PIN1: variants seen among roughly 807,000 people sequenced by gnomAD.
PIN1 encodes the protein peptidylprolyl cis/trans isomerase, NIMA-interacting 1.
In PIN1, 8 loss-of-function variants were observed where a neutral mutation model predicts 19.9. The ratio of observed to expected loss-of-function variants is 0.40; its 90% confidence interval spans 0.24 to 0.72. PIN1 has a LOEUF of 0.72. Among genes scored for constraint, PIN1 ranks in the 30% least tolerant of loss-of-function variants. The probability of loss-of-function intolerance (pLI) is 0.37; values close to 1 mark genes in which losing one functional copy is unlikely to be tolerated. For missense variants in PIN1, 185 were observed against 226.5 expected, an observed-to-expected ratio of 0.82 and a Z score of 1.18; for synonymous variants, 86 against 90.8, an observed-to-expected ratio of 0.95 and a Z score of 0.30.
At chr19:9,837,018 C>T (rs1456203287) in intron 1 of PIN1, 1 of 451,954 alleles carries the variant, frequency 2.2e-6, no homozygotes, top group Non-Finnish European at 4.3e-6. Flanking sequence ...GAGATGGTCT[C>T]ACTGTGTGGC....
chr19:9,849,339 AGGGGGCCCTTCCAGATT>A lies in PIN1; in HGVS notation c.*150_*166del, dbSNP rs2046252733. 2 of 730,908 alleles carry A rather than the reference AGGGGGCCCTTCCAGATT, an allele frequency of 2.7e-6. No homozygotes were observed. Among genetic ancestry groups the A allele is most frequent in the Admixed American group, 2.0e-5 (1 of 50,090 alleles). The allele number at this position is 730,908 out of a possible 1,614,324, so 45.3% of individuals were successfully genotyped here. A position where few individuals can be genotyped will look rare whatever the true frequency, so the allele number is the denominator to read the frequency against. On this transcript the variant is annotated 3_prime_UTR_variant, in exon 4 of 4. Transcript: ENST00000247970. Reference sequence around the variant, plus strand: ...ATTTATTGTTCCCACAATGGCTGGGAGGGGGCCCTTCCAGATTGGGGGCCCTGGGGTCCCCACTCCCT... The same window carrying A: ...ATTTATTGTTCCCACAATGGCTGGGAGGGGGCCCTGGGGTCCCCACTCCCT...
At chr19:9,837,986 T>C in intron 1 of PIN1, 1 of 256,444 alleles carries the variant, frequency 3.9e-6, no homozygotes, top group Non-Finnish European at 7.7e-6. Context: ...GACCCTAAGG[T>C]AGGAACTGTT....
At chr19:9,843,923 A>T (rs2046193666) in intron 2 of PIN1, among the ~76,000 whole-genome samples, 1 of 151,890 alleles carries the variant, frequency 6.6e-6, no homozygotes, top group South Asian at 2.1e-4. Context: ...AGTGGCGCAC[A>T]CCTGTGATCC....
In PIN1 at chr19:9,838,847, G is replaced by A. The variant is rs979678587; in HGVS notation, c.271+199G>A. Among the ~76,000 whole-genome samples, 5 of 152,280 alleles carry A rather than the reference G, an allele frequency of 3.3e-5. No homozygotes were observed. Among genetic ancestry groups the A allele is most frequent in the African/African-American group, 9.6e-5 (4 of 41,566 alleles). On this transcript the variant is annotated intron_variant, in intron 2 of 3. Transcript: ENST00000247970. The surrounding 1 kb of genome is among the most constrained non-coding windows in gnomAD (Gnocchi z 5.8). Reference sequence around the variant, plus strand: ...TTTTCCATCTGGCATTTGAGGGTGAGCCAGGTAGGGGCAGAGGACCCAGCC... The same window carrying A: ...TTTTCCATCTGGCATTTGAGGGTGAACCAGGTAGGGGCAGAGGACCCAGCC...
Position 9,846,357 on chromosome 19 carries a change from A to G in PIN1, c.272-1673A>G, listed in dbSNP as rs967396242. On this transcript the variant is annotated intron_variant, in intron 2 of 3. Coordinates refer to ENST00000247970, the MANE Select transcript of PIN1 (RefSeq NM_006221.4). The surrounding 1 kb of genome is among the most constrained non-coding windows in gnomAD (Gnocchi z 5.9). ...GTCCCCATGGAGGGGAAGAATGATG[A>G]CAGCAAGGGACGTTGGTCAGGGTCC... Among the ~76,000 whole-genome samples, 2 of 152,160 alleles carry G rather than the reference A, an allele frequency of 1.3e-5. No homozygotes were observed. The highest frequency in any genetic ancestry group is 2.9e-5 in the Non-Finnish European group (2 of 68,012).
At position 9,838,790 on chromosome 19, in the gene PIN1, GACCC is replaced by G; in HGVS notation, c.271+143_271+146del. On this transcript the variant is annotated intron_variant, in intron 2 of 3. Transcript: ENST00000247970. The surrounding 1 kb of genome is among the most constrained non-coding windows in gnomAD (Gnocchi z 5.8). ...ACACAAAAACGCCAGTGCATGACCT[GACCC>G]TGACCTTCACAGCAGCCATTCTCTT... The G allele has an allele frequency of 3.1e-6, 2 of 640,720 alleles. No individual in the cohort carries two copies. Among genetic ancestry groups the G allele is most frequent in the Non-Finnish European group, 5.4e-6 (2 of 370,234 alleles). 39.7% of individuals were successfully genotyped at this position (640,720 alleles called of 1,614,324 possible).
At chr19:9,840,618 TG>T (rs2046156588) in intron 2 of PIN1, among the ~76,000 whole-genome samples, 2 of 152,156 alleles carry the variant, frequency 1.3e-5, no homozygotes. Flanking sequence ...CTTCTTCTTT[TG>T]AGACAGGGTC....
Position 9,838,792 on chromosome 19 carries a change from C to A in PIN1, c.271+144C>A. ...ACAAAAACGCCAGTGCATGACCTGA[C>A]CCTGACCTTCACAGCAGCCATTCTC... On this transcript the variant is annotated intron_variant, in intron 2 of 3. Coordinates refer to ENST00000247970, the MANE Select transcript of PIN1 (RefSeq NM_006221.4). This position sits in a 1 kb window ranked among gnomAD's most constrained non-coding sequence, Gnocchi z 5.8. 1 of 640,368 alleles carries A rather than the reference C, an allele frequency of 1.6e-6. No homozygotes were observed. Among genetic ancestry groups the A allele is most frequent in the South Asian group, 1.9e-5 (1 of 52,248 alleles). The allele number at this position is 640,368 out of a possible 1,614,324, so 39.7% of individuals were successfully genotyped here.
chr19:9,845,913 G>T (rs1488700144), intron 2 of PIN1, among the ~76,000 whole-genome samples: 1 of 152,186 alleles, frequency 6.6e-6, no homozygotes, highest in East Asian at 1.9e-4. Flanking sequence ...GTGCCTGCAG[G>T]CAGTCCTGCT....
intron 1 of PIN1, chr19:9,836,288 A>T (rs1215290576): frequency 1.3e-5 from 2 of 153,474 alleles, no homozygotes; most frequent in African/African-American, 4.8e-5. Flanking sequence ...AACTGTTTGG[A>T]TACATGGACT....
At chr19:9,839,623 A>G (rs922257085) in intron 2 of PIN1, among the ~76,000 whole-genome samples, 3 of 152,220 alleles carry the variant, frequency 2.0e-5, no homozygotes, top group Non-Finnish European at 4.4e-5. Context: ...GATAGCACTC[A>G]TAACTAATAT....
At position 9,849,309 on chromosome 19, in the gene PIN1, A is replaced by C. The variant is rs760280318; in HGVS notation, c.*110A>C. ...ACCCCCCACTCCCTGCCACCGTCACACAGTATTTATTGTTCCCACAATGGC... is the reference window on the plus strand; with the variant it reads ...ACCCCCCACTCCCTGCCACCGTCACCCAGTATTTATTGTTCCCACAATGGC... On this transcript the variant is annotated 3_prime_UTR_variant, in exon 4 of 4. Transcript: ENST00000247970. 23 of 766,946 alleles carry C rather than the reference A, an allele frequency of 3.0e-5. No individual in the cohort carries two copies. In the East Asian group the frequency reaches 6.1e-4, roughly 20 times the overall value. 47.5% of individuals were successfully genotyped at this position (766,946 alleles called of 1,614,324 possible).
At chr19:9,840,395 A>G (rs369914780) in intron 2 of PIN1, among the ~76,000 whole-genome samples, 17 of 152,248 alleles carry the variant, frequency 1.1e-4, no homozygotes, top group Admixed American at 4.6e-4. Flanking sequence ...TCAAAAAAAC[A>G]AAAACAAAAA....
chr19:9,849,141 A>C lies in PIN1; in HGVS notation c.434A>C (p.Glu145Ala). ...GCCTCGTTTGCGCTGCGGACGGGGG[A>C]GATGAGCGGGCCCGTGTTCACGGAT... Reference protein sequence around the residue: ...EDASFALRTGEMSGPVFTDSG... With the variant: ...EDASFALRTGAMSGPVFTDSG... Residue 145 changes from glutamate (E) to alanine (A), a missense_variant, in exon 4 of 4, where the codon GAG (glutamate) becomes GCG (alanine). Coordinates refer to ENST00000247970, the MANE Select transcript of PIN1 (RefSeq NM_006221.4). 6.2e-7 allele frequency: 1 copy of C among 1,613,418 alleles called. No individual in the cohort carries two copies. Among genetic ancestry groups the C allele is most frequent in the Non-Finnish European group, 8.5e-7 (1 of 1,179,736 alleles).
intron 2 of PIN1, among the ~76,000 whole-genome samples, chr19:9,842,422 T>G (rs1599451636): frequency 6.6e-6 from 1 of 152,202 alleles, no homozygotes; most frequent in Admixed American, 6.5e-5. Context: ...ATCCAGGAGC[T>G]ATGGGCTCAG....
intron 2 of PIN1, among the ~76,000 whole-genome samples, chr19:9,839,740 T>C (rs1215487085): frequency 2.0e-5 from 3 of 152,202 alleles, no homozygotes; most frequent in African/African-American, 7.2e-5. Flanking sequence ...TGTCTAAAGC[T>C]GTCCAGTTTG....
rs1227763014 is a variant in PIN1 at position 9,836,719 on chromosome 19, C to T, written c.58+1317C>T. On this transcript the variant is annotated intron_variant, in intron 1 of 3. Transcript: ENST00000247970. ...ATCGGGCCACCAGTAATGCTGGTTC[C>T]TAGCTCTGCAACACCATGCACGGTG... 4 of 696,432 alleles carry T rather than the reference C, an allele frequency of 5.7e-6. No individual in the cohort carries two copies. In the African/African-American group the frequency reaches 7.3e-5, roughly 13 times the overall value. 43.1% of individuals were successfully genotyped at this position (696,432 alleles called of 1,614,324 possible). A position where few individuals can be genotyped will look rare whatever the true frequency, so the allele number is the denominator to read the frequency against.
At chr19:9,839,028 T>C (rs991072858) in intron 2 of PIN1, among the ~76,000 whole-genome samples, 3 of 152,168 alleles carry the variant, frequency 2.0e-5, no homozygotes, top group Non-Finnish European at 4.4e-5. Flanking sequence ...AATAAGGCAA[T>C]GGATTTTGCA....
intron 2 of PIN1, 29 bp from the exon 3 acceptor site, chr19:9,848,001 G>A: frequency 1.4e-6 from 2 of 1,429,582 alleles, no homozygotes; most frequent in Non-Finnish European, 2.0e-6. Flanking sequence ...CCCCTGACCT[G>A]GCACTCCCAT....
Sources: allele counts gnomAD v4.1 joint callset (sites outside exome capture counted in the v4.1 genomes callset), GRCh38; gene constraint gnomAD v4.1.1; non-coding constraint Gnocchi (gnomAD v3.1); transcripts MANE v1.5; gene names NCBI Gene and HGNC (gene_info 2026-07-23, HGNC 2026-07-21).